PPFIA4: variants seen among roughly 807,000 people sequenced by gnomAD.
The protein encoded by PPFIA4 is PPFI scaffold protein A4.
PPFIA4 carries 98 observed loss-of-function variants against 145.7 expected under a neutral mutation model. The observed-to-expected ratio is 0.67, with a 90% confidence interval of 0.57 to 0.80. PPFIA4 has a LOEUF of 0.80. Ranked by LOEUF, PPFIA4 falls within the 30% of genes least tolerant of loss-of-function variation. The pLI is 0.00. For missense variants in PPFIA4, 1,457 were observed against 1,632.7 expected, an observed-to-expected ratio of 0.89 and a Z score of 1.85; for synonymous variants, 628 against 649.6, an observed-to-expected ratio of 0.97 and a Z score of 0.51.
At chr1:203,059,421 A>G in intron 20 of PPFIA4, 150 bp downstream of exon 20, 1 of 715,368 alleles carries the variant, frequency 1.4e-6, no homozygotes, top group Non-Finnish European at 2.4e-6. Flanking sequence ...TGGGCACAGC[A>G]GGGCTGGGAG....
At chr1:203,074,453 T>G (rs928592612) in intron 28 of PPFIA4, among the ~76,000 whole-genome samples, 2 of 151,916 alleles carry the variant, frequency 1.3e-5, no homozygotes, top group African/African-American at 4.8e-5. Context: ...ACTGAAACAT[T>G]ATGTGGTGCA....
chr1:203,053,986 G>A, intron 15 of PPFIA4, 25 bp downstream of exon 15: 5 of 1,552,192 alleles, frequency 3.2e-6, no homozygotes, highest in Non-Finnish European at 4.4e-6. Flanking sequence ...GGAGGGCTTG[G>A]GAAGTGCATT....
At chr1:203,041,710 C>T (rs1659706614) in intron 2 of PPFIA4, among the ~76,000 whole-genome samples, 1 of 152,092 alleles carries the variant, frequency 6.6e-6, no homozygotes, top group Non-Finnish European at 1.5e-5. Context: ...AGCTGCTGAG[C>T]TTGAGGCCAG....
chr1:203,032,100 TTAAAC>T (rs1315616592), intron 1 of PPFIA4, among the ~76,000 whole-genome samples: 2 of 151,240 alleles, frequency 1.3e-5, no homozygotes, highest in African/African-American at 4.9e-5. Flanking sequence ...TAGACAATAT[TTAAAC>T]TAGGGATTTT....
intron 2 of PPFIA4, among the ~76,000 whole-genome samples, chr1:203,041,134 C>T (rs913719990): frequency 7.9e-5 from 12 of 152,132 alleles, no homozygotes; most frequent in East Asian, 3.9e-4. Context: ...ATGATTTCAT[C>T]GGGTGGTGAC....
intron 1 of PPFIA4, chr1:203,035,480 A>G (rs571742547): frequency 8.4e-5 from 30 of 356,932 alleles, no homozygotes; most frequent in South Asian, 5.0e-4. Context: ...CCCAAGGCCT[A>G]CTTTTTGTCC....
In PPFIA4 at chr1:203,076,800, C is replaced by T. The variant is rs1263302034; in HGVS notation, c.*410C>T. On this transcript the variant is annotated 3_prime_UTR_variant, in exon 30 of 30. Transcript: ENST00000295706. Reference sequence around the variant, plus strand: ...CCTTCCAAGAAAGGGTCATTTCAGACGCAGCCCTGCTTGGGCTATTCAATC... The same window carrying T: ...CCTTCCAAGAAAGGGTCATTTCAGATGCAGCCCTGCTTGGGCTATTCAATC... The T allele has an allele frequency of 6.4e-5, 15 of 232,988 alleles. No individual in the cohort carries two copies. The highest frequency in any genetic ancestry group is 1.1e-4 in the East Asian group (1 of 9,014). 14.4% of individuals were successfully genotyped at this position (232,988 alleles called of 1,614,324 possible). A position where few individuals can be genotyped will look rare whatever the true frequency, so the allele number is the denominator to read the frequency against.
At chr1:203,042,161 T>C (rs941574688) in intron 2 of PPFIA4, among the ~76,000 whole-genome samples, 4 of 152,134 alleles carry the variant, frequency 2.6e-5, no homozygotes, top group Non-Finnish European at 5.9e-5. Context: ...CTCTTAGACC[T>C]TGGACATCCA....
chr1:203,058,538 C>T (rs554342035), intron 19 of PPFIA4, among the ~76,000 whole-genome samples: 3 of 152,184 alleles, frequency 2.0e-5, no homozygotes, highest in Non-Finnish European at 2.9e-5. Flanking sequence ...CCTGAGACAG[C>T]ACCTCAGATT....
In PPFIA4 at chr1:203,075,445, A is replaced by G. The variant is rs1210235504; in HGVS notation, c.3394-132A>G. The G allele has an allele frequency of 1.5e-6, 1 of 647,974 alleles. No individual in the cohort carries two copies. The highest frequency in any genetic ancestry group is 1.9e-5 in the African/African-American group (1 of 52,748). 40.1% of individuals were successfully genotyped at this position (647,974 alleles called of 1,614,324 possible). A position where few individuals can be genotyped will look rare whatever the true frequency, so the allele number is the denominator to read the frequency against. ...AACTCAAGGCTAGAAAGGGGAAGTG[A>G]CCTCGCTCCCTCTTTCCAAAGGGGT... On this transcript the variant is annotated intron_variant, in intron 28 of 29. Transcript: ENST00000295706. This position sits in a 1 kb window ranked among gnomAD's most constrained non-coding sequence, Gnocchi z 4.1.
At position 203,049,090 on chromosome 1, in the gene PPFIA4, A is replaced by G. The variant is rs1051576646; in HGVS notation, c.1419+110A>G. On this transcript the variant is annotated intron_variant, in intron 12 of 29. Transcript: ENST00000295706. ...CTGATACCTGGCAGTGTTAGTGCAT[A>G]TGTTAGTGCACTACATACATTATTC... The G allele has an allele frequency of 6.1e-6, 6 of 978,912 alleles. No homozygotes were observed. The African/African-American group carries it at 6.6e-5, about 11-fold the overall frequency. 60.6% of individuals were successfully genotyped at this position (978,912 alleles called of 1,614,324 possible).
At position 203,059,227 on chromosome 1, in the gene PPFIA4, C is replaced by T; in HGVS notation, c.2457C>T (p.Ala819=). ...GTATGCAGGAGCCTATGGTGCCTGC[C>T]AAGCTGGGGACCCAGGCAGAGAAGG... The part of the protein sequence containing the change: ...EFSMQEPMVP[A]KLGTQAEKDR... Residue 819 remains alanine, a synonymous_variant, in exon 20 of 30, where the codon GCC becomes GCT. Coordinates refer to ENST00000295706, the MANE Select transcript of PPFIA4 (RefSeq NM_001304331.2). 1 of 1,557,698 alleles carries T rather than the reference C, an allele frequency of 6.4e-7. No individual in the cohort carries two copies. Among genetic ancestry groups the T allele is most frequent in the Non-Finnish European group, 8.7e-7 (1 of 1,143,850 alleles).
rs1421977195 is a variant in PPFIA4, at chr1:203,076,373, TC to T, written c.3609del (p.Ala1204ProfsTer24). 2 of 1,608,058 alleles carry T rather than the reference TC, an allele frequency of 1.2e-6. No individual in the cohort carries two copies. Among genetic ancestry groups the T allele is most frequent in the Admixed American group, 1.7e-5 (1 of 60,012 alleles). ...CCACTATCTCTACGGACACATGCTCTCCGCCTTCCGGGACTAGCCATGGCCC... is the reference window on the plus strand; with the variant it reads ...CCACTATCTCTACGGACACATGCTCTCGCCTTCCGGGACTAGCCATGGCCC... ...HSHYLYGHML[S>X]AFRD is the part of the protein sequence containing the mutation. On this transcript the variant is annotated frameshift_variant, in exon 30 of 30. Coordinates refer to ENST00000295706, the MANE Select transcript of PPFIA4 (RefSeq NM_001304331.2). LOFTEE classifies it high-confidence loss of function.
Position 203,060,472 on chromosome 1 carries a change from G to C in PPFIA4, c.2784+55G>C. The C allele has an allele frequency of 6.3e-6, 10 of 1,577,812 alleles. No homozygotes were observed. Among genetic ancestry groups the C allele is most frequent in the Non-Finnish European group, 8.6e-6 (10 of 1,157,300 alleles). On this transcript the variant is annotated intron_variant, in intron 22 of 29. Transcript: ENST00000295706. This position sits in a 1 kb window ranked among gnomAD's most constrained non-coding sequence, Gnocchi z 4.8. ...TTTCAGAGGTCCTGGAACATAGTTT[G>C]CAAGGTCTCCTGTTGGGCTTTGGGA...
rs1335567075 is a variant in PPFIA4 at position 203,043,670 on chromosome 1, C to T, written c.336+172C>T. 6.6e-6 allele frequency among the ~76,000 whole-genome samples: 1 copy of T among 152,150 alleles called. No individual in the cohort carries two copies. Among genetic ancestry groups the T allele is most frequent in the African/African-American group, 2.4e-5 (1 of 41,428 alleles). ...TCCCATCCTGGGGTGAGAGTTACAT[C>T]GTTTAACCACCAGTGCTGGGCTCTC... is the stretch of plus-strand genomic sequence containing the variant. On this transcript the variant is annotated intron_variant, in intron 3 of 29. Coordinates refer to ENST00000295706, the MANE Select transcript of PPFIA4 (RefSeq NM_001304331.2). The surrounding 1 kb of genome is among the most constrained non-coding windows in gnomAD (Gnocchi z 4.4).
rs1038056665 is a variant in PPFIA4, at chr1:203,043,338, T to G, written c.235-59T>G. ...GAGGATCCCACCACTGACTTGCATG[T>G]GCAGGACACTGCTTTGGGGGTGAAT... is the stretch of plus-strand genomic sequence containing the variant. On this transcript the variant is annotated intron_variant, in intron 2 of 29. Transcript: ENST00000295706. The surrounding 1 kb of genome is among the most constrained non-coding windows in gnomAD (Gnocchi z 4.4). 3 of 1,456,426 alleles carry G rather than the reference T, an allele frequency of 2.1e-6. No individual in the cohort carries two copies. The African/African-American group carries it at 4.2e-5, about 20-fold the overall frequency. The allele number at this position is 1,456,426 out of a possible 1,614,324, so 90.2% of individuals were successfully genotyped here. A position where few individuals can be genotyped will look rare whatever the true frequency, so the allele number is the denominator to read the frequency against.
intron 1 of PPFIA4, chr1:203,035,517 T>G (rs1659179262): frequency 4.4e-6 from 2 of 455,178 alleles, no homozygotes; most frequent in Non-Finnish European, 8.8e-6. Context: ...ACACGCACAC[T>G]CACACCCACT....
At chr1:203,051,035 C>CTG (rs1027789429) in intron 13 of PPFIA4, 2 of 630,070 alleles carry the variant, frequency 3.2e-6, no homozygotes, top group Non-Finnish European at 4.0e-6. Flanking sequence ...TGTAGGCTCA[C>CTG]TGTGTCCCTT....
At chr1:203,057,445 A>G (rs955906712) in intron 19 of PPFIA4, among the ~76,000 whole-genome samples, 7 of 152,222 alleles carry the variant, frequency 4.6e-5, no homozygotes, top group African/African-American at 1.7e-4. Flanking sequence ...CAAGCGTGGC[A>G]TCGTTATCAC....
Sources: gnomAD v4.1 joint callset for allele counts (sites outside exome capture counted in the v4.1 genomes callset) on GRCh38, gnomAD v4.1.1 for gene constraint, Gnocchi (gnomAD v3.1) non-coding constraint, MANE v1.5 for transcripts, NCBI Gene and HGNC (gene_info 2026-07-23, HGNC 2026-07-21) for gene names.